The following SPIDR variants were observed in gnomAD, a reference collection of about 807,000 sequenced individuals.
SPIDR encodes scaffold protein involved in DNA repair, also known as DNA repair-scaffolding protein.
A neutral mutation model predicts 104.6 loss-of-function variants in SPIDR; 93 were observed. The observed-to-expected ratio is 0.89, with a 90% CI of 0.75 to 1.06. SPIDR has a LOEUF of 1.06. Ranked by LOEUF, SPIDR falls within the 50% of genes least tolerant of loss-of-function variation. SPIDR has a pLI of 0.00. For missense variants in SPIDR, 1,154 were observed against 1,111.2 expected (o/e 1.04, Z -0.55); for synonymous variants, 431 against 416.9 (o/e 1.03, Z -0.41).
chr8:47,700,159 G>T (rs1056976865), intron 11 of SPIDR, among the ~76,000 whole-genome samples: 1 of 152,142 alleles, frequency 6.6e-6, no homozygotes, highest in South Asian at 2.1e-4. Context: ...TTCAGTGACC[G>T]TATACTATTT....
intron 8 of SPIDR, among the ~76,000 whole-genome samples, chr8:47,553,066 C>A (rs1007649900): frequency 3.9e-5 from 6 of 152,166 alleles, no homozygotes; most frequent in Admixed American, 3.3e-4. Context: ...AAATTCTTTT[C>A]TTTAAGAATG....
intron 8 of SPIDR, among the ~76,000 whole-genome samples, chr8:47,492,261 C>T (rs1027324748): frequency 4.6e-5 from 7 of 152,144 alleles, no homozygotes; most frequent in African/African-American, 1.7e-4. Flanking sequence ...CAGACACAGA[C>T]GTGGCCTGGA....
intron 5 of SPIDR, among the ~76,000 whole-genome samples, chr8:47,325,485 A>T (rs1489951166): frequency 1.3e-5 from 2 of 152,242 alleles, no homozygotes; most frequent in African/African-American, 4.8e-5. Context: ...GACTTATTTC[A>T]GTTGGTCAGT....
chr8:47,448,405 T>TTTAC (rs1554703549), intron 8 of SPIDR, among the ~76,000 whole-genome samples: 1 of 152,194 alleles, frequency 6.6e-6, no homozygotes. Context: ...TTACTGAATG[T>TTTAC]TTACTTACTT....
At chr8:47,472,050 A>G (rs978352230) in intron 8 of SPIDR, among the ~76,000 whole-genome samples, 4 of 152,226 alleles carry the variant, frequency 2.6e-5, no homozygotes, top group Non-Finnish European at 5.9e-5. Context: ...GTATGCCGGT[A>G]CATTGCCCAA....
intron 7 of SPIDR, among the ~76,000 whole-genome samples, chr8:47,412,391 A>G (rs1419411160): frequency 2.6e-5 from 4 of 152,236 alleles, no homozygotes; most frequent in Non-Finnish European, 4.4e-5. Context: ...ATTGAATGCC[A>G]CAGGGACCAT....
intron 8 of SPIDR, among the ~76,000 whole-genome samples, chr8:47,466,928 G>A (rs1324967105): frequency 7.2e-6 from 1 of 139,384 alleles, no homozygotes; most frequent in Non-Finnish European, 1.5e-5. Context: ...TAGATAGATA[G>A]ATAGATAGAT....
chr8:47,622,642 A>G (rs2065339227), intron 10 of SPIDR, among the ~76,000 whole-genome samples: 1 of 152,192 alleles, frequency 6.6e-6, no homozygotes, highest in South Asian at 2.1e-4. Context: ...TCTGTACTAC[A>G]GATTAATGTC....
intron 8 of SPIDR, among the ~76,000 whole-genome samples, chr8:47,522,871 T>G (rs1411473227): frequency 6.6e-6 from 1 of 152,214 alleles, no homozygotes; most frequent in East Asian, 1.9e-4. Flanking sequence ...TTGTGAAATC[T>G]CTAGTAACCT....
At chr8:47,344,374 G>A (rs1282811107) in intron 5 of SPIDR, among the ~76,000 whole-genome samples, 2 of 152,116 alleles carry the variant, frequency 1.3e-5, no homozygotes, top group Non-Finnish European at 2.9e-5. Context: ...ATCATTGTTG[G>A]ACATTTGGGT....
chr8:47,436,310 T>C (rs1554691984), intron 7 of SPIDR, among the ~76,000 whole-genome samples: 1 of 152,236 alleles, frequency 6.6e-6, no homozygotes, highest in Non-Finnish European at 1.5e-5. Flanking sequence ...TTGGCTGTCT[T>C]GTAGCAGTTA....
At chr8:47,685,501 A>ATTTTTTTTTTT (rs1326028640) in intron 11 of SPIDR, among the ~76,000 whole-genome samples, 40 of 110,276 alleles carry the variant, frequency 3.6e-4, no homozygotes, top group East Asian at 6.5e-4. Flanking sequence ...TTATTTATTT[A>ATTTTTTTTTTT]TTTATTTATT....
Position 47,466,615 on chromosome 8 carries a change from C to G in SPIDR, c.1097+26073C>G, listed in dbSNP as rs2074822241. Among the ~76,000 whole-genome samples the G allele has an allele frequency of 2.6e-5, 4 of 152,060 alleles. No individual in the cohort carries two copies. In the South Asian group the frequency reaches 8.3e-4, roughly 32 times the overall value. On this transcript the variant is annotated intron_variant, in intron 8 of 19. Coordinates refer to ENST00000297423, the MANE Select transcript of SPIDR (RefSeq NM_001080394.4). ...GTGGCTCACGCCTGTAATCCCAGCA[C>G]TTTGGGAGGCCAAGGCAGGCGGATC...
chr8:47,462,435 T>C (rs1280380705), intron 8 of SPIDR, among the ~76,000 whole-genome samples: 1 of 152,166 alleles, frequency 6.6e-6, no homozygotes, highest in Non-Finnish European at 1.5e-5. Context: ...CTCTGTGAGC[T>C]GCTGTCTGTC....
At chr8:47,364,688 A>G (rs72644602) in intron 5 of SPIDR, among the ~76,000 whole-genome samples, 15,704 of 152,174 alleles carry the variant, frequency 0.1, 1,186 homozygotes, top group African/African-American at 0.21. Flanking sequence ...TTTAAATACT[A>G]TGTTTTTCAG....
chr8:47,291,129 TACAGAGAGG>T lies in SPIDR; in HGVS notation c.354_361+1del. 6.2e-7 allele frequency: 1 copy of T among 1,609,484 alleles called. No individual in the cohort carries two copies. The highest frequency in any genetic ancestry group is 8.5e-7 in the Non-Finnish European group (1 of 1,176,828). On this transcript the variant is annotated splice_donor_variant and coding_sequence_variant, in exon 4 of 20. Coordinates refer to ENST00000297423, the MANE Select transcript of SPIDR (RefSeq NM_001080394.4). LOFTEE classifies it high-confidence loss of function. ...GATGAAGATAAGACACTTTCTCAGT[TACAGAGAGG>T]TAATGGACATTGCTCTAGAATAGAC...
Position 47,466,940 on chromosome 8 carries a change from G to GATAT in SPIDR, c.1097+26401_1097+26402insTATA, listed in dbSNP as rs1371048463. Among the ~76,000 whole-genome samples, 11 of 138,244 alleles carry GATAT rather than the reference G, an allele frequency of 8.0e-5. 1 individual carries two copies. Among genetic ancestry groups the GATAT allele is most frequent in the Non-Finnish European group, 1.7e-4 (11 of 64,228 alleles). 90.7% of individuals were successfully genotyped at this position (138,244 alleles called of 152,430 possible). A position where few individuals can be genotyped will look rare whatever the true frequency, so the allele number is the denominator to read the frequency against. The stretch of plus-strand genomic sequence containing the variant: ...AGATAGATAGATAGATAGATAGATA[G>GATAT]ATAGATAGATATAAAAAATAGACTG... On this transcript the variant is annotated intron_variant, in intron 8 of 19. Coordinates refer to ENST00000297423, the MANE Select transcript of SPIDR (RefSeq NM_001080394.4).
chr8:47,525,187 A>T (rs913349369), intron 8 of SPIDR, among the ~76,000 whole-genome samples: 17 of 152,164 alleles, frequency 1.1e-4, no homozygotes, highest in African/African-American at 3.9e-4. Flanking sequence ...ACTCCCTATG[A>T]TTCTGTGTCC....
chr8:47,290,648 C>G (rs2039739067), intron 3 of SPIDR, among the ~76,000 whole-genome samples: 2 of 152,208 alleles, frequency 1.3e-5, no homozygotes, highest in South Asian at 4.1e-4. Context: ...CAGAAGCATT[C>G]CTGTTACTCA....
Sources: allele counts gnomAD v4.1 joint callset (sites outside exome capture counted in the v4.1 genomes callset), GRCh38; gene constraint gnomAD v4.1.1; transcripts MANE v1.5; gene names NCBI Gene and HGNC (gene_info 2026-07-23, HGNC 2026-07-21).